FOCAD: variants seen among roughly 807,000 people sequenced by gnomAD.
FOCAD encodes the protein focadhesin.
In FOCAD, 198 loss-of-function variants were observed where a neutral mutation model predicts 225.6. The observed-to-expected ratio is 0.88, with a 90% CI of 0.78 to 0.99. FOCAD has a LOEUF of 0.99. Among genes scored for constraint, FOCAD ranks in the 50% least tolerant of loss-of-function variants. The pLI, the probability that FOCAD is intolerant of heterozygous loss-of-function variation, is 0.00. For synonymous variants in FOCAD, 897 were observed against 755.0 expected, an observed-to-expected ratio of 1.19 and a Z score of -3.08; for missense variants, 2,713 against 2,123.6, an observed-to-expected ratio of 1.28 and a Z score of -5.46.
At chr9:20,844,137 T>C (rs1416828091) in intron 15 of FOCAD, among the ~76,000 whole-genome samples, 3 of 152,062 alleles carry the variant, frequency 2.0e-5, no homozygotes, top group African/African-American at 7.2e-5. Flanking sequence ...CTAAAACCTA[T>C]GTATGAATAT....
At chr9:20,691,530 A>C (rs966040189) in intron 1 of FOCAD, among the ~76,000 whole-genome samples, 1 of 151,116 alleles carries the variant, frequency 6.6e-6, no homozygotes, top group Non-Finnish European at 1.5e-5. Flanking sequence ...CCCCCAGGCT[A>C]GAGTGCAGTG....
chr9:20,661,772 C>G (rs1243699758), intron 2 of FOCAD, among the ~76,000 whole-genome samples: 2 of 152,152 alleles, frequency 1.3e-5, no homozygotes, highest in African/African-American at 4.8e-5. Context: ...GGCATTTACA[C>G]TTAGACTCAG....
At chr9:20,737,890 G>A (rs1216809684) in intron 4 of FOCAD, among the ~76,000 whole-genome samples, 2 of 152,136 alleles carry the variant, frequency 1.3e-5, no homozygotes, top group East Asian at 3.9e-4. Context: ...TGACTTAGTC[G>A]AGACATTTAT....
At chr9:20,838,025 A>G (rs537308319) in intron 15 of FOCAD, among the ~76,000 whole-genome samples, 89 of 152,164 alleles carry the variant, frequency 5.8e-4, no homozygotes, top group Non-Finnish European at 1.0e-3. Context: ...TTTCATAGTT[A>G]TATAATTTAT....
intron 15 of FOCAD, among the ~76,000 whole-genome samples, chr9:20,829,746 CTCT>C (rs1564043077): frequency 1.3e-5 from 2 of 152,098 alleles, no homozygotes; most frequent in Non-Finnish European, 2.9e-5. Flanking sequence ...ATATATCATG[CTCT>C]TCTTTGCTAC....
intron 1 of FOCAD, among the ~76,000 whole-genome samples, chr9:20,707,744 A>T (rs764304350): frequency 6.6e-6 from 1 of 152,158 alleles, no homozygotes; most frequent in Non-Finnish European, 1.5e-5. Flanking sequence ...GTAGAAGAAA[A>T]GCCACGTATA....
chr9:20,785,088 A>G (rs1387603482), intron 10 of FOCAD, among the ~76,000 whole-genome samples: 2 of 152,114 alleles, frequency 1.3e-5, no homozygotes, highest in Admixed American at 6.6e-5. Context: ...GTACTTTGGT[A>G]TATATTAACT....
intron 5 of FOCAD, 130 bp from the exon 6 acceptor site, chr9:20,757,960 T>G: frequency 2.1e-6 from 1 of 474,520 alleles, no homozygotes; most frequent in South Asian, 4.1e-5. Context: ...AAGTGATCAT[T>G]TTGTGACAAT....
chr9:20,904,440 A>G (rs1832790823), intron 21 of FOCAD, among the ~76,000 whole-genome samples: 1 of 151,708 alleles, frequency 6.6e-6, no homozygotes, highest in South Asian at 2.1e-4. Context: ...TACCTTCTCT[A>G]CAAGATCTAC....
chr9:20,801,462 G>A (rs1199505566), intron 11 of FOCAD, among the ~76,000 whole-genome samples: 4 of 152,050 alleles, frequency 2.6e-5, no homozygotes, highest in East Asian at 1.9e-4. Context: ...GATTGCAGGC[G>A]TGAGCCACTG....
intron 11 of FOCAD, among the ~76,000 whole-genome samples, chr9:20,797,563 T>G (rs553753031): frequency 1.3e-5 from 2 of 152,320 alleles, no homozygotes; most frequent in South Asian, 2.1e-4. Context: ...CTAGGTATTT[T>G]ATTCTCTTTG....
At chr9:20,795,066 C>G (rs1820910913) in intron 11 of FOCAD, among the ~76,000 whole-genome samples, 1 of 152,096 alleles carries the variant, frequency 6.6e-6, no homozygotes, top group Non-Finnish European at 1.5e-5. Context: ...GGATAACTCC[C>G]TGGACCTAAA....
At chr9:20,671,645 G>A (rs971063291) in intron 2 of FOCAD, among the ~76,000 whole-genome samples, 6 of 152,074 alleles carry the variant, frequency 3.9e-5, no homozygotes, top group African/African-American at 9.7e-5. Flanking sequence ...AAGAAAGAAT[G>A]CAGAGAGAAA....
intron 21 of FOCAD, among the ~76,000 whole-genome samples, chr9:20,897,712 A>G (rs1320916191): frequency 1.3e-5 from 2 of 151,822 alleles, no homozygotes; most frequent in African/African-American, 2.4e-5. Context: ...TCACTTATAC[A>G]TAAGCATATA....
chr9:20,824,421 T>A (rs1045995755), intron 15 of FOCAD, among the ~76,000 whole-genome samples: 2 of 152,100 alleles, frequency 1.3e-5, no homozygotes. Context: ...TTTTTTCTTA[T>A]AATAAATAGT....
At position 20,696,974 on chromosome 9, in the gene FOCAD, T is replaced by C. The variant is rs576516869; in HGVS notation, c.-33+12681T>C. ...TCTTTGCACTTCCACCATGTGATGA[T>C]GTGGCACAAAGACCCTCCACGGATG... On this transcript the variant is annotated intron_variant, in intron 1 of 43. Transcript: ENST00000338382. 3.3e-5 allele frequency among the ~76,000 whole-genome samples: 5 copies of C among 152,304 alleles called. No individual in the cohort carries two copies. In the South Asian group the frequency reaches 1.0e-3, roughly 32 times the overall value.
At chr9:20,873,623 C>G (rs759673881) in intron 18 of FOCAD, among the ~76,000 whole-genome samples, 1 of 152,108 alleles carries the variant, frequency 6.6e-6, no homozygotes, top group African/African-American at 2.4e-5. Context: ...TTCACTTCTC[C>G]TTCACTAGTG....
At chr9:20,702,424 C>CT (rs1824034039) in intron 1 of FOCAD, among the ~76,000 whole-genome samples, 2 of 152,088 alleles carry the variant, frequency 1.3e-5, no homozygotes, top group African/African-American at 4.8e-5. Flanking sequence ...TTTACAAAAA[C>CT]TTTAAGTCAA....
chr9:20,705,554 C>T (rs1045228750), intron 1 of FOCAD, among the ~76,000 whole-genome samples: 7 of 151,898 alleles, frequency 4.6e-5, no homozygotes, highest in Non-Finnish European at 8.8e-5. Context: ...GGAGATTTTG[C>T]GATCATTTAT....
Sources: gnomAD v4.1 joint callset for allele counts (sites outside exome capture counted in the v4.1 genomes callset) on GRCh38, gnomAD v4.1.1 for gene constraint, MANE v1.5 for transcripts, NCBI Gene and HGNC (gene_info 2026-07-23, HGNC 2026-07-21) for gene names.